ITGA4: variants seen among roughly 807,000 people sequenced by gnomAD.
ITGA4 encodes integrin alpha-4.
ITGA4 carries 63 observed loss-of-function variants against 133.6 expected under a neutral mutation model. The observed-to-expected ratio is 0.47, with a 90% CI of 0.38 to 0.58. The LOEUF (loss-of-function observed/expected upper bound fraction) is 0.58, where lower values mean the gene tolerates loss of function less well. Among genes scored for constraint, ITGA4 ranks in the 20% least tolerant of loss-of-function variants. ITGA4 has a pLI of 0.00. For missense variants in ITGA4, 1,076 were observed against 1,252.7 expected (o/e 0.86, Z 2.13); for synonymous variants, 483 against 438.0 (o/e 1.10, Z -1.28).
rs966231269 is a variant in ITGA4 at position 181,523,836 on chromosome 2, G to A, written c.2169+304G>A. On this transcript the variant is annotated intron_variant, in intron 19 of 27. Transcript: ENST00000397033. The surrounding 1 kb of genome is among the most constrained non-coding windows in gnomAD (Gnocchi z 4.2). ...ACCCCCACCGCAGGTGGTCCTGTCT[G>A]CCAGGCATGTTACCTCTGCTATACA... Among the ~76,000 whole-genome samples the A allele has an allele frequency of 2.0e-5, 3 of 152,098 alleles. No individual in the cohort carries two copies. The highest frequency in any genetic ancestry group is 4.4e-5 in the Non-Finnish European group (3 of 68,024).
At position 181,523,521 on chromosome 2, in the gene ITGA4, C is replaced by A. The variant is rs1471859241; in HGVS notation, c.2158C>A (p.His720Asn). The A allele has an allele frequency of 4.5e-6, 7 of 1,569,660 alleles. No individual in the cohort carries two copies. The highest frequency in any genetic ancestry group is 2.2e-5 in the East Asian group (1 of 44,554). ...CAGTATTGGCTATATATATGTAGAT[C>A]ATCTCTCAAGGGTAAGTGTTTCATA... ...DCSIGYIYVD[H>N]LSRIDISFLL... is the part of the protein sequence containing the mutation. The change falls in exon 19 of 28, where the codon CAT (histidine) becomes AAT (asparagine). Residue 720 changes from histidine to asparagine, a missense_variant. By Grantham distance (68) the His-to-Asn change is moderately conservative. Transcript: ENST00000397033. This position sits in a 1 kb window ranked among gnomAD's most constrained non-coding sequence, Gnocchi z 4.2.
At position 181,478,365 on chromosome 2, in the gene ITGA4, G is replaced by A. The variant is rs532943719; in HGVS notation, c.557-392G>A. On this transcript the variant is annotated intron_variant, in intron 4 of 27. Coordinates refer to ENST00000397033, the MANE Select transcript of ITGA4 (RefSeq NM_000885.6). ...CTCTAAATGCACAAAAAAGATGACC[G>A]TGAGGAGGTATGTAAAGTGTAGTAA... is the stretch of plus-strand genomic sequence containing the variant. Among the ~76,000 whole-genome samples, 7 of 152,130 alleles carry A rather than the reference G, an allele frequency of 4.6e-5. No homozygotes were observed. In the South Asian group the frequency reaches 6.2e-4, roughly 14 times the overall value.
chr2:181,485,561 C>T (rs1249682172), intron 9 of ITGA4, among the ~76,000 whole-genome samples: 1 of 152,134 alleles, frequency 6.6e-6, no homozygotes, highest in African/African-American at 2.4e-5. Flanking sequence ...TCGCTCTTTG[C>T]ACAGTGTGTT....
chr2:181,483,179 G>T (rs562194981), intron 9 of ITGA4, among the ~76,000 whole-genome samples: 1 of 152,066 alleles, frequency 6.6e-6, no homozygotes, highest in Non-Finnish European at 1.5e-5. Flanking sequence ...AATTGGCAAG[G>T]TTTATTCCAC....
intron 2 of ITGA4, among the ~76,000 whole-genome samples, chr2:181,467,717 T>G (rs1685453684): frequency 6.6e-6 from 1 of 152,220 alleles, no homozygotes; most frequent in South Asian, 2.1e-4. Flanking sequence ...GGAATAGATT[T>G]CAGTTAATTC....
rs202011627 is a variant in ITGA4 at position 181,537,547 on chromosome 2, A to G, written c.*2020A>G. 6.5e-5 allele frequency: 29 copies of G among 443,244 alleles called. No homozygotes were observed. The highest frequency in any genetic ancestry group is 8.6e-5 in the Non-Finnish European group (19 of 221,026). The allele number at this position is 443,244 out of a possible 1,614,324, so 27.5% of individuals were successfully genotyped here. Reference sequence around the variant, plus strand: ...TTTTGAAATTTAACTGCTCTGGATTAGGGAGCAGTGAATCAAGGCAGACTT... The same window carrying G: ...TTTTGAAATTTAACTGCTCTGGATTGGGGAGCAGTGAATCAAGGCAGACTT... On this transcript the variant is annotated 3_prime_UTR_variant, in exon 28 of 28. Coordinates refer to ENST00000397033, the MANE Select transcript of ITGA4 (RefSeq NM_000885.6).
chr2:181,458,362 CA>C (rs1559033767), intron 2 of ITGA4, 45 bp downstream of exon 2: 1 of 1,591,524 alleles, frequency 6.3e-7, no homozygotes, highest in East Asian at 2.3e-5. Flanking sequence ...CCCGACCCCC[CA>C]TGTGGACCCC....
chr2:181,519,623 G>C lies in ITGA4; in HGVS notation c.1923-2568G>C, dbSNP rs193261036. On this transcript the variant is annotated intron_variant, in intron 17 of 27. Coordinates refer to ENST00000397033, the MANE Select transcript of ITGA4 (RefSeq NM_000885.6). ...TCTCAAAAACCGTACCACATTTCCAGTTTGGATTTTGCCATGGTCATATGA... is the reference window on the plus strand; with the variant it reads ...TCTCAAAAACCGTACCACATTTCCACTTTGGATTTTGCCATGGTCATATGA... 1.5e-4 allele frequency among the ~76,000 whole-genome samples: 23 copies of C among 152,206 alleles called. No individual in the cohort carries two copies. In the East Asian group the frequency reaches 2.7e-3, roughly 18 times the overall value.
chr2:181,459,681 G>A (rs1485323535), intron 2 of ITGA4, among the ~76,000 whole-genome samples: 1 of 152,198 alleles, frequency 6.6e-6, no homozygotes, highest in Non-Finnish European at 1.5e-5. Flanking sequence ...ATTTTGGAAT[G>A]ATTTTGCAAA....
chr2:181,480,383 T>A (rs564739929), intron 6 of ITGA4, 117 bp downstream of exon 6: 2 of 512,096 alleles, frequency 3.9e-6, no homozygotes, highest in South Asian at 1.2e-4. Context: ...ATTACAGTAA[T>A]AATTAGGCAG....
In ITGA4 at chr2:181,458,336, C is replaced by G. The variant is rs750682982; in HGVS notation, c.319+19C>G. ...CAGCTGGGTGAGTTGGGTATGGGAC[C>G]AGGAGTTAGTGACCTCCCGACCCCC... On this transcript the variant is annotated intron_variant, in intron 2 of 27. Coordinates refer to ENST00000397033, the MANE Select transcript of ITGA4 (RefSeq NM_000885.6). 6.2e-7 allele frequency: 1 copy of G among 1,606,582 alleles called. No homozygotes were observed. The highest frequency in any genetic ancestry group is 1.3e-5 in the African/African-American group (1 of 74,802).
At chr2:181,534,111 C>A (rs1687001996) in intron 25 of ITGA4, among the ~76,000 whole-genome samples, 161 bp from the exon 26 acceptor site, 1 of 152,090 alleles carries the variant, frequency 6.6e-6, no homozygotes, top group Admixed American at 6.6e-5. Flanking sequence ...ATACCAAGAC[C>A]ACACTTTGGG....
chr2:181,474,924 C>A, intron 2 of ITGA4, 36 bp from the exon 3 acceptor site: 1 of 1,517,272 alleles, frequency 6.6e-7, no homozygotes, highest in Non-Finnish European at 9.1e-7. Flanking sequence ...AGAATGTTTT[C>A]AATACAACTG....
intron 11 of ITGA4, 44 bp from the exon 12 acceptor site, chr2:181,494,678 T>C (rs1437656958): frequency 2.1e-6 from 2 of 943,230 alleles, no homozygotes; most frequent in South Asian, 2.6e-5. Context: ...TCTGGTATAT[T>C]AGTATTCAAA....
At position 181,457,442 on chromosome 2, in the gene ITGA4, G is replaced by A. The variant is rs981697646; in HGVS notation, c.-213G>A. 6 of 520,318 alleles carry A rather than the reference G, an allele frequency of 1.2e-5. No homozygotes were observed. The highest frequency in any genetic ancestry group is 2.0e-5 in the Non-Finnish European group (6 of 297,436). The allele number at this position is 520,318 out of a possible 1,614,324, so 32.2% of individuals were successfully genotyped here. ...GGCGGCAGAAACCGGGAGTGGGGCC[G>A]GGCGAGTGCGCGGCATCCCAGGCCG... On this transcript the variant is annotated 5_prime_UTR_variant, in exon 1 of 28. Coordinates refer to ENST00000397033, the MANE Select transcript of ITGA4 (RefSeq NM_000885.6).
chr2:181,535,317 C>T, intron 27 of ITGA4, 115 bp from the exon 28 acceptor site: 1 of 769,946 alleles, frequency 1.3e-6, no homozygotes, highest in Non-Finnish European at 2.0e-6. Flanking sequence ...ACTGATGTTA[C>T]AAGGGATGCA....
chr2:181,490,652 A>G (rs1168072782), intron 10 of ITGA4, among the ~76,000 whole-genome samples: 2 of 152,128 alleles, frequency 1.3e-5, no homozygotes, highest in Admixed American at 1.3e-4. Flanking sequence ...GATCTGGACC[A>G]GGCTGCAGGG....
rs190317979 is a variant in ITGA4 at position 181,535,761 on chromosome 2, A to G, written c.*234A>G. On this transcript the variant is annotated 3_prime_UTR_variant, in exon 28 of 28. Transcript: ENST00000397033. The stretch of plus-strand genomic sequence containing the variant: ...ATAATCTCTCAGCTTTTAAATGGGT[A>G]GAGAAACACTAAAGCATTCAATTTA... 2.6e-4 allele frequency: 94 copies of G among 360,660 alleles called. No individual in the cohort carries two copies. The highest frequency in any genetic ancestry group is 1.6e-3 in the African/African-American group (80 of 48,588). 22.3% of individuals were successfully genotyped at this position (360,660 alleles called of 1,614,324 possible). A position where few individuals can be genotyped will look rare whatever the true frequency, so the allele number is the denominator to read the frequency against.
chr2:181,497,949 C>G (rs933968912), intron 14 of ITGA4, among the ~76,000 whole-genome samples: 2 of 151,586 alleles, frequency 1.3e-5, no homozygotes, highest in Non-Finnish European at 2.9e-5. Flanking sequence ...TGAAATAAAC[C>G]CTGCCAAACT....
Sources: gnomAD v4.1 joint callset for allele counts (sites outside exome capture counted in the v4.1 genomes callset) on GRCh38, gnomAD v4.1.1 for gene constraint, Gnocchi (gnomAD v3.1) non-coding constraint, MANE v1.5 for transcripts, NCBI Gene and HGNC (gene_info 2026-07-23, HGNC 2026-07-21) for gene names.